The following EIF4G3 variants were observed in gnomAD, a reference collection of about 807,000 sequenced individuals.
EIF4G3 encodes eIF-4-gamma 3.
Under a neutral mutation model 186.4 loss-of-function variants are expected in EIF4G3, and 34 were observed. The ratio of observed to expected loss-of-function variants is 0.18; its 90% confidence interval spans 0.14 to 0.24. The LOEUF is 0.24. Among genes scored for constraint, EIF4G3 ranks in the 10% least tolerant of loss-of-function variants. The probability of loss-of-function intolerance (pLI) is 1.00; values close to 1 mark genes in which losing one functional copy is unlikely to be tolerated. For missense variants in EIF4G3, 1,536 were observed against 1,948.5 expected, an observed-to-expected ratio of 0.79 and a Z score of 3.99; for synonymous variants, 673 against 679.5, an observed-to-expected ratio of 0.99 and a Z score of 0.15.
In EIF4G3 at chr1:20,981,235, G is replaced by C; in HGVS notation, c.199-8C>G. The C allele has an allele frequency of 6.4e-7, 1 of 1,554,138 alleles. No homozygotes were observed. The highest frequency in any genetic ancestry group is 1.4e-5 in the African/African-American group (1 of 71,278). On this transcript the variant is annotated splice_polypyrimidine_tract_variant and splice_region_variant and intron_variant, in intron 8 of 36. Transcript: ENST00000602326. ...TTGAGGCCTCTGGAAAAACTGGGAA[G>C]GGGAGAAAAAAAAAATTTTTTTTTT... is the stretch of plus-strand genomic sequence containing the variant.
At chr1:21,039,724 T>G (rs12098188) in intron 4 of EIF4G3, among the ~76,000 whole-genome samples, 4,997 of 152,184 alleles carry the variant, frequency 0.033, 273 homozygotes, top group African/African-American at 0.11. Flanking sequence ...AAAAGGCACC[T>G]GACAGGATAG....
chr1:20,997,161 T>C (rs2082467709), intron 7 of EIF4G3, among the ~76,000 whole-genome samples: 1 of 152,166 alleles, frequency 6.6e-6, no homozygotes, highest in Non-Finnish European at 1.5e-5. Context: ...AGTTAGTAAC[T>C]GAGTTTAAGT....
intron 33 of EIF4G3, among the ~76,000 whole-genome samples, chr1:20,822,003 G>C (rs1358309270): frequency 2.6e-5 from 4 of 151,820 alleles, no homozygotes; most frequent in Non-Finnish European, 4.4e-5. Context: ...TCAGCCTCCT[G>C]AGTAGCTGGG....
At chr1:21,091,771 A>G (rs1376201264) in intron 2 of EIF4G3, among the ~76,000 whole-genome samples, 2 of 152,080 alleles carry the variant, frequency 1.3e-5, no homozygotes, top group African/African-American at 4.8e-5. Context: ...ATGGGAGTTT[A>G]CTCATGATTT....
At chr1:21,107,826 G>A (rs1380084816) in intron 2 of EIF4G3, among the ~76,000 whole-genome samples, 6 of 152,114 alleles carry the variant, frequency 3.9e-5, no homozygotes, top group South Asian at 2.1e-4. Flanking sequence ...CTACAGACAC[G>A]TGCCACCATG....
At chr1:20,870,195 T>C (rs2078811530) in intron 20 of EIF4G3, among the ~76,000 whole-genome samples, 1 of 152,108 alleles carries the variant, frequency 6.6e-6, no homozygotes, top group African/African-American at 2.4e-5. Flanking sequence ...CCGGGCTTTA[T>C]TTTTTATGGG....
At chr1:20,914,939 G>C (rs6699704) in intron 14 of EIF4G3, among the ~76,000 whole-genome samples, 59,854 of 152,054 alleles carry the variant, frequency 0.39, 12,501 homozygotes, top group Middle Eastern at 0.52. Context: ...GGCTGACTAT[G>C]CTATTCCAGC....
rs145721009 is a variant in EIF4G3, at chr1:20,889,519, C to T, written c.2254-3148G>A. 3.2e-3 allele frequency among the ~76,000 whole-genome samples: 482 copies of T among 152,238 alleles called. 3 individuals are homozygous for T. Among genetic ancestry groups the T allele is most frequent in the African/African-American group, 0.011 (460 of 41,548 alleles). On this transcript the variant is annotated intron_variant, in intron 18 of 36. Transcript: ENST00000602326. ...TATTTATTTTTTTTATTTTTTGAGA[C>T]GGAGTCTTGCTCTTTCGCCCAGGAT...
intron 2 of EIF4G3, among the ~76,000 whole-genome samples, chr1:21,150,005 C>G (rs1286703398): frequency 6.6e-6 from 1 of 152,240 alleles, no homozygotes; most frequent in African/African-American, 2.4e-5. Flanking sequence ...TTCCAATACT[C>G]AGTGTCATTC....
At chr1:21,156,309 T>C (rs2097660693) in intron 2 of EIF4G3, among the ~76,000 whole-genome samples, 1 of 152,210 alleles carries the variant, frequency 6.6e-6, no homozygotes, top group Non-Finnish European at 1.5e-5. Context: ...TTCTCTTTTC[T>C]GTAAGCTTCC....
chr1:20,893,371 A>G, intron 18 of EIF4G3, 146 bp downstream of exon 18: 1 of 782,456 alleles, frequency 1.3e-6, no homozygotes, highest in Non-Finnish European at 1.9e-6. Context: ...CTGCTTTAAT[A>G]TGAGTATGGA....
chr1:20,946,130 C>T (rs2095938607), intron 13 of EIF4G3, among the ~76,000 whole-genome samples: 1 of 152,164 alleles, frequency 6.6e-6, no homozygotes, highest in Non-Finnish European at 1.5e-5. Context: ...TGCTGAGCAT[C>T]CTGCAATTTG....
Position 20,868,091 on chromosome 1 carries a change from T to TTTTTTTTTTC in EIF4G3, c.2623-2830_2623-2829insGAAAAAAAAA, listed in dbSNP as rs1553236870. On this transcript the variant is annotated intron_variant, in intron 20 of 36. Coordinates refer to ENST00000602326, the MANE Select transcript of EIF4G3 (RefSeq NM_001391906.1). ...AGAATAGTGATTCATGGTGATTTTC[T>TTTTTTTTTTC]TTTTTTTTTTTTTTTGTCCTTAGGG... 7.1e-4 allele frequency among the ~76,000 whole-genome samples: 13 copies of TTTTTTTTTTC among 18,346 alleles called. 1 individual carries two copies. Among genetic ancestry groups the TTTTTTTTTTC allele is most frequent in the Admixed American group, 1.9e-3 (2 of 1,076 alleles). 12.0% of individuals were successfully genotyped at this position (18,346 alleles called of 152,430 possible).
intron 3 of EIF4G3, among the ~76,000 whole-genome samples, chr1:21,079,604 A>G (rs1234141668): frequency 1.3e-5 from 2 of 151,006 alleles, no homozygotes; most frequent in African/African-American, 4.9e-5. Context: ...GTATCTCTTG[A>G]GCCTAAAAGG....
chr1:21,032,875 T>C (rs764048108), intron 4 of EIF4G3, among the ~76,000 whole-genome samples: 1 of 152,186 alleles, frequency 6.6e-6, no homozygotes, highest in Non-Finnish European at 1.5e-5. Context: ...CTGGCATACA[T>C]AAACCAGAAA....
At chr1:21,144,082 T>A (rs1415499471) in intron 2 of EIF4G3, among the ~76,000 whole-genome samples, 2 of 152,202 alleles carry the variant, frequency 1.3e-5, no homozygotes, top group African/African-American at 4.8e-5. Context: ...ATTTCATGTT[T>A]TTTGCCCCCT....
At chr1:20,809,130 C>A (rs761655296) in intron 36 of EIF4G3, among the ~76,000 whole-genome samples, 1 of 152,096 alleles carries the variant, frequency 6.6e-6, no homozygotes, top group African/African-American at 2.4e-5. Flanking sequence ...TGCGCCACCA[C>A]GCCCAGCTAA....
intron 32 of EIF4G3, among the ~76,000 whole-genome samples, chr1:20,826,481 CTTTTTTTTTTTT>C (rs71014120): frequency 2.0e-4 from 10 of 50,634 alleles, no homozygotes; most frequent in African/African-American, 2.9e-4. Flanking sequence ...GTGAGTCTTT[CTTTTTTTTTTTT>C]TTTTTTTTTT....
intron 2 of EIF4G3, among the ~76,000 whole-genome samples, chr1:21,094,765 TATAATAATAATA>T (rs368168938): frequency 1.0e-3 from 142 of 140,888 alleles, no homozygotes; most frequent in Middle Eastern, 3.6e-3. Context: ...GAACTTAAAG[TATAATAATAATA>T]ATAATAATAA....
Sources: allele counts gnomAD v4.1 joint callset (sites outside exome capture counted in the v4.1 genomes callset), GRCh38; gene constraint gnomAD v4.1.1; transcripts MANE v1.5; gene names NCBI Gene and HGNC (gene_info 2026-07-23, HGNC 2026-07-21).